ENTREP2: variants seen among roughly 807,000 people sequenced by gnomAD.
ENTREP2 encodes the protein endosomal transmembrane epsin interactor 2.
At chr15:29,647,264 C>G in the ENTREP2 span, among the ~76,000 whole-genome samples, 2 of 152,198 alleles carry the variant, frequency 1.3e-5, no homozygotes, top group African/African-American at 2.4e-5. Flanking sequence ...AAGTCCTTGC[C>G]TAAGCCACTC....
At chr15:29,674,130 G>GGGA in the ENTREP2 span, among the ~76,000 whole-genome samples, 1 of 103,384 alleles carries the variant, frequency 9.7e-6, no homozygotes, top group Non-Finnish European at 1.9e-5. Context: ...GCAGAGGATG[G>GGGA]GGGGGGGGGG....
the ENTREP2 span, among the ~76,000 whole-genome samples, chr15:29,581,143 A>G: frequency 6.6e-6 from 1 of 152,204 alleles, no homozygotes; most frequent in Admixed American, 6.5e-5. Context: ...ATGAAATTTC[A>G]GAAATGATTT....
the ENTREP2 span, among the ~76,000 whole-genome samples, chr15:29,495,085 G>A: frequency 1.5e-4 from 23 of 152,166 alleles, no homozygotes; most frequent in Non-Finnish European, 2.6e-4. Flanking sequence ...TGGATCATAT[G>A]GTTGTTCTAT....
At chr15:29,392,063 C>T in the ENTREP2 span, among the ~76,000 whole-genome samples, 12 of 151,714 alleles carry the variant, frequency 7.9e-5, no homozygotes, top group East Asian at 1.9e-4. Flanking sequence ...CTCCTGACCT[C>T]GTGATCTGCC....
the ENTREP2 span, among the ~76,000 whole-genome samples, chr15:29,306,191 G>A: frequency 7.9e-5 from 12 of 152,244 alleles, no homozygotes; most frequent in Admixed American, 3.9e-4. Context: ...CAGGCTGACT[G>A]TGGGAGGCGC....
chr15:29,604,918 CA>C, the ENTREP2 span, among the ~76,000 whole-genome samples: 1 of 152,302 alleles, frequency 6.6e-6, no homozygotes, highest in Admixed American at 6.5e-5. Flanking sequence ...TGGGCACCTG[CA>C]GGTGGTGCTC....
chr15:29,207,577 GGTGCATTTTACAGAGCGCTGATTA>G, the ENTREP2 span, among the ~76,000 whole-genome samples: 4 of 152,138 alleles, frequency 2.6e-5, no homozygotes, highest in East Asian at 1.9e-4. Context: ...CCTGCTGATT[GGTGCATTTTACAGAGCGCTGATTA>G]GTGCATTTTA....
chr15:29,462,980 C>T, the ENTREP2 span, among the ~76,000 whole-genome samples: 1 of 152,214 alleles, frequency 6.6e-6, no homozygotes, highest in Non-Finnish European at 1.5e-5. Context: ...CTACCTCTCT[C>T]CTGCCTCCTG....
chr15:29,554,797 T>C, the ENTREP2 span, among the ~76,000 whole-genome samples: 1 of 152,208 alleles, frequency 6.6e-6, no homozygotes, highest in Non-Finnish European at 1.5e-5. Context: ...CAGCCTGTCC[T>C]TGGGGCAATT....
At chr15:29,340,015 G>A in the ENTREP2 span, among the ~76,000 whole-genome samples, 1 of 152,204 alleles carries the variant, frequency 6.6e-6, no homozygotes, top group Admixed American at 6.5e-5. Flanking sequence ...ATTAGTATTT[G>A]TGTTAGGATA....
chr15:29,227,941 A>C, the ENTREP2 span, among the ~76,000 whole-genome samples: 1 of 152,120 alleles, frequency 6.6e-6, no homozygotes, highest in Non-Finnish European at 1.5e-5. Context: ...ATTGAGACTA[A>C]ACATCTCTCA....
At chr15:29,195,031 A>G in the ENTREP2 span, 1 of 795,516 alleles carries the variant, frequency 1.3e-6, no homozygotes, top group Non-Finnish European at 1.5e-6. Context: ...GCCACAGCAG[A>G]CCTCAGGCAC....
At chr15:29,360,875 C>G in the ENTREP2 span, among the ~76,000 whole-genome samples, 1 of 152,164 alleles carries the variant, frequency 6.6e-6, no homozygotes, top group Non-Finnish European at 1.5e-5. Context: ...CAGGCTGAGC[C>G]GCCTTGGGGC....
chr15:29,550,961 A>G, the ENTREP2 span, among the ~76,000 whole-genome samples: 62,548 of 151,958 alleles, frequency 0.41, 13,217 homozygotes, highest in African/African-American at 0.51. Flanking sequence ...CCATGGGTGC[A>G]ATCAGATTTC....
At chr15:29,224,499 C>A in the ENTREP2 span, among the ~76,000 whole-genome samples, 1 of 152,180 alleles carries the variant, frequency 6.6e-6, no homozygotes, top group Admixed American at 6.5e-5. Flanking sequence ...GTCTGTTTTA[C>A]AGAGAGCTGA....
At chr15:29,293,008 C>G in the ENTREP2 span, among the ~76,000 whole-genome samples, 1 of 152,218 alleles carries the variant, frequency 6.6e-6, no homozygotes, top group Non-Finnish European at 1.5e-5. Flanking sequence ...TGTGTAGTTA[C>G]AAGAATCTAT....
At chr15:29,390,803 A>G in the ENTREP2 span, among the ~76,000 whole-genome samples, 1 of 152,230 alleles carries the variant, frequency 6.6e-6, no homozygotes. Context: ...TCCAAAGGCA[A>G]CTGATAGTGA....
the ENTREP2 span, among the ~76,000 whole-genome samples, chr15:29,443,971 G>A: frequency 6.6e-6 from 1 of 152,056 alleles, no homozygotes; most frequent in Non-Finnish European, 1.5e-5. Flanking sequence ...AGGCGTGATG[G>A]TGGGCGCCTG....
At chr15:29,126,441 C>G in the ENTREP2 span, 4 of 1,550,050 alleles carry the variant, frequency 2.6e-6, no homozygotes, top group East Asian at 7.3e-5. Context: ...GGGCTGGAAC[C>G]TGGCGTAGCA....
Sources: gnomAD v4.1 joint callset for allele counts (sites outside exome capture counted in the v4.1 genomes callset) on GRCh38, gnomAD v4.1.1 for gene constraint, MANE v1.5 for transcripts, NCBI Gene and HGNC (gene_info 2026-07-23, HGNC 2026-07-21) for gene names.